The following PEAK1 variants were observed in gnomAD, a reference collection of about 807,000 sequenced individuals.
PEAK1 encodes the protein inactive tyrosine-protein kinase PEAK1.
In PEAK1, 54 loss-of-function variants were observed where a neutral mutation model predicts 124.7. The ratio of observed to expected loss-of-function variants is 0.43; its 90% CI spans 0.35 to 0.54. The LOEUF is 0.54. Ranked by LOEUF, PEAK1 falls within the 20% of genes least tolerant of loss-of-function variation. The probability of loss-of-function intolerance (pLI) is 0.01; values close to 1 mark genes in which losing one functional copy is unlikely to be tolerated. For missense variants in PEAK1, 2,046 were observed against 2,134.5 expected (o/e 0.96, Z 0.82); for synonymous variants, 719 against 760.0 (o/e 0.95, Z 0.89).
At chr15:77,386,236 C>T (rs141091876) in intron 1 of PEAK1, among the ~76,000 whole-genome samples, 19 of 152,290 alleles carry the variant, frequency 1.2e-4, no homozygotes, top group East Asian at 5.8e-4. Flanking sequence ...TGTGGACCCA[C>T]GAAGTACGCC....
At chr15:77,404,898 A>G (rs2071680180) in intron 1 of PEAK1, 1 of 470,144 alleles carries the variant, frequency 2.1e-6, no homozygotes, top group African/African-American at 2.1e-5. Context: ...TCTCTCCTCA[A>G]TCAGTCTCAG....
chr15:77,230,011 T>C (rs930228873), intron 6 of PEAK1, among the ~76,000 whole-genome samples: 2 of 152,162 alleles, frequency 1.3e-5, no homozygotes, highest in African/African-American at 4.8e-5. Flanking sequence ...GTGCCAGCTA[T>C]GACATGGTAT....
exon 7 of PEAK1, chr15:77,101,545 C>T (rs1332304133): frequency 6.6e-6 from 1 of 152,222 alleles, no homozygotes. Context: ...TTCATCCTGA[C>T]AATGACCCTG....
intron 6 of PEAK1, among the ~76,000 whole-genome samples, chr15:77,185,055 G>A (rs2057471704): frequency 6.6e-6 from 1 of 152,250 alleles, no homozygotes. Context: ...AAGATCTGAT[G>A]AGGATCTGGA....
intron 1 of PEAK1, among the ~76,000 whole-genome samples, chr15:77,377,630 C>T (rs764959785): frequency 1.3e-4 from 20 of 151,834 alleles, no homozygotes; most frequent in Admixed American, 2.0e-4. Context: ...CCATCACATC[C>T]GGCTAATTTT....
rs557671936 is a variant in PEAK1, at chr15:77,388,663, T to C, written c.-665-23438A>G. Among the ~76,000 whole-genome samples the C allele has an allele frequency of 8.5e-5, 13 of 152,312 alleles. No individual in the cohort carries two copies. In the South Asian group the frequency reaches 2.5e-3, roughly 29 times the overall value. ...TCACTTAGAACATATATCTTCAACA[T>C]TTCATGTTGATCATTGTTTTCTGTT... On this transcript the variant is annotated intron_variant, in intron 1 of 9. Coordinates refer to ENST00000682557, the MANE Select transcript of PEAK1 (RefSeq NM_001385026.1).
At chr15:77,228,826 A>G (rs749889200) in intron 6 of PEAK1, among the ~76,000 whole-genome samples, 10 of 152,178 alleles carry the variant, frequency 6.6e-5, no homozygotes, top group Non-Finnish European at 1.0e-4. Context: ...AAGTATTTTC[A>G]TGTGCCCCTA....
At chr15:77,336,053 A>C in intron 2 of PEAK1, 1 of 985,436 alleles carries the variant, frequency 1.0e-6, no homozygotes, top group Non-Finnish European at 1.2e-6. Context: ...GTAAGATAAC[A>C]AGAATAACAG....
intron 6 of PEAK1, among the ~76,000 whole-genome samples, chr15:77,240,703 T>C (rs2060318495): frequency 6.6e-6 from 1 of 152,166 alleles, no homozygotes; most frequent in Non-Finnish European, 1.5e-5. Flanking sequence ...GGTGTAATCA[T>C]AGTAAAACTG....
At chr15:77,404,252 T>G (rs1455130060) in intron 1 of PEAK1, 1 of 985,410 alleles carries the variant, frequency 1.0e-6, no homozygotes, top group East Asian at 1.1e-4. Context: ...TTTGCTGTTT[T>G]CTTCTCATAC....
Position 77,181,551 on chromosome 15 carries a change from T to C in PEAK1, c.376A>G (p.Ile126Val), listed in dbSNP as rs200222630. Residue 126 changes from isoleucine to valine, a missense_variant, in exon 7 of 10, where the codon ATT becomes GTT. Transcript: ENST00000682557. ...LNNNNEDDEG[I>V]SHVPKPYGNN... Reference sequence around the variant, plus strand: ...CCATAAGGCTTAGGAACATGGCTAATTCCTTCATCATCTTCATTATTATTG... The same window carrying C: ...CCATAAGGCTTAGGAACATGGCTAACTCCTTCATCATCTTCATTATTATTG... 6.8e-6 allele frequency: 11 copies of C among 1,614,070 alleles called. 1 individual carries two copies. Among genetic ancestry groups the C allele is most frequent in the South Asian group, 2.2e-5 (2 of 91,082 alleles).
rs569319207 is a variant in PEAK1, at chr15:77,337,080, G to C, written c.-603+28083C>G. On this transcript the variant is annotated intron_variant, in intron 2 of 9. Coordinates refer to ENST00000682557, the MANE Select transcript of PEAK1 (RefSeq NM_001385026.1). ...AGAATGAGTAAAGATAGGAAAAAGA[G>C]AAGACAACAAAGTAACCAATCAAGA... The C allele has an allele frequency of 7.3e-6, 7 of 959,914 alleles. No individual in the cohort carries two copies. The East Asian group carries it at 6.9e-4, about 95-fold the overall frequency. The allele number at this position is 959,914 out of a possible 1,614,324, so 59.5% of individuals were successfully genotyped here.
chr15:77,265,009 A>G (rs537921284), intron 5 of PEAK1, among the ~76,000 whole-genome samples: 177 of 152,334 alleles, frequency 1.2e-3, no homozygotes, highest in Non-Finnish European at 1.9e-3. Context: ...TGGGGAAAGG[A>G]TTCCCTATTT....
chr15:77,233,912 C>T (rs991631762), intron 6 of PEAK1, among the ~76,000 whole-genome samples: 1 of 152,146 alleles, frequency 6.6e-6, no homozygotes, highest in Non-Finnish European at 1.5e-5. Flanking sequence ...GTTGCCCAGG[C>T]TGAAGTGCAG....
In PEAK1 at chr15:77,112,768, G is replaced by T. The variant is rs2051062042; in HGVS notation, c.*1388C>A. 2 of 152,166 alleles carry T rather than the reference G, an allele frequency of 1.3e-5. No individual in the cohort carries two copies. The highest frequency in any genetic ancestry group is 4.8e-5 in the African/African-American group (2 of 41,368). The allele number at this position is 152,166 out of a possible 1,614,324, so 9.4% of individuals were successfully genotyped here. On this transcript the variant is annotated 3_prime_UTR_variant, in exon 10 of 10. Transcript: ENST00000682557. ...ATGTGCCAAGGGAAGAAGGGGGAGG[G>T]TTTCTGTAGACTCGCTTCAGGTGAA...
At position 77,178,820 on chromosome 15, in the gene PEAK1, G is replaced by A. The variant is rs201856196; in HGVS notation, c.3107C>T (p.Ser1036Phe). The part of the protein sequence containing the change: ...QDSEKKRSHS[S>F]PSQIPKKILS... ...AATCTTTTTAGGAATCTGTGATGGA[G>A]AAGAATGACTCCTCTTCTTCTCTGA... Residue 1036 changes from serine to phenylalanine, a missense_variant, in exon 7 of 10, where the codon TCT becomes TTT. By Grantham distance (155) the Ser-to-Phe change is radical (BLOSUM62 -2). Coordinates refer to ENST00000682557, the MANE Select transcript of PEAK1 (RefSeq NM_001385026.1). The A allele has an allele frequency of 1.9e-6, 3 of 1,613,654 alleles. No individual in the cohort carries two copies. The highest frequency in any genetic ancestry group is 2.5e-6 in the Non-Finnish European group (3 of 1,179,876).
At chr15:77,168,959 T>C (rs1054531001) in intron 7 of PEAK1, among the ~76,000 whole-genome samples, 1 of 152,158 alleles carries the variant, frequency 6.6e-6, no homozygotes, top group Non-Finnish European at 1.5e-5. Context: ...GGGTGGTAGA[T>C]TTAGAAAGGT....
intron 6 of PEAK1, among the ~76,000 whole-genome samples, chr15:77,234,100 G>T (rs995088204): frequency 6.6e-6 from 1 of 152,094 alleles, no homozygotes; most frequent in Admixed American, 6.5e-5. Context: ...TCCTAGACTT[G>T]AGTGATTCTC....
chr15:77,268,021 C>T (rs77057910), intron 5 of PEAK1, among the ~76,000 whole-genome samples: 1,679 of 152,188 alleles, frequency 0.011, 42 homozygotes, highest in African/African-American at 0.038. Flanking sequence ...AAAAACTAAT[C>T]ACAACTTCTG....
Sources: gnomAD v4.1 joint callset for allele counts (sites outside exome capture counted in the v4.1 genomes callset) on GRCh38, gnomAD v4.1.1 for gene constraint, MANE v1.5 for transcripts, NCBI Gene and HGNC (gene_info 2026-07-23, HGNC 2026-07-21) for gene names.